DNM3: variants seen among roughly 807,000 people sequenced by gnomAD.
DNM3 encodes the protein dynamin-3.
A neutral mutation model predicts 101.6 loss-of-function variants in DNM3; 47 were observed. That is an observed-to-expected ratio of 0.46 (90% CI 0.37 to 0.59). The LOEUF is 0.59. Ranked by LOEUF, DNM3 falls within the 20% of genes least tolerant of loss-of-function variation. The probability of loss-of-function intolerance (pLI) is 0.00; values close to 1 mark genes in which losing one functional copy is unlikely to be tolerated. For synonymous variants in DNM3, 385 were observed against 387.9 expected, an observed-to-expected ratio of 0.99 and a Z score of 0.09; for missense variants, 849 against 1,085.7, an observed-to-expected ratio of 0.78 and a Z score of 3.06.
intron 2 of DNM3, among the ~76,000 whole-genome samples, chr1:171,983,991 A>G (rs934372208): frequency 2.0e-5 from 3 of 152,040 alleles, no homozygotes; most frequent in African/African-American, 4.8e-5. Flanking sequence ...TTCTATTTCA[A>G]ACTTTTTCTG....
At chr1:172,257,628 A>G (rs931131490) in intron 15 of DNM3, among the ~76,000 whole-genome samples, 8 of 152,066 alleles carry the variant, frequency 5.3e-5, no homozygotes, top group African/African-American at 1.9e-4. Context: ...GTGATATTCT[A>G]TTACACGCAT....
At chr1:172,175,418 A>G (rs1010182294) in intron 14 of DNM3, among the ~76,000 whole-genome samples, 2 of 151,782 alleles carry the variant, frequency 1.3e-5, no homozygotes, top group Non-Finnish European at 2.9e-5. Context: ...TTATCATTGA[A>G]TACTTACTAT....
At chr1:171,887,110 G>C (rs1481641127) in intron 1 of DNM3, among the ~76,000 whole-genome samples, 1 of 152,172 alleles carries the variant, frequency 6.6e-6, no homozygotes. Context: ...TGTGGACAAA[G>C]AGCTTCCTAT....
intron 1 of DNM3, among the ~76,000 whole-genome samples, chr1:171,852,556 T>G (rs1332646273): frequency 6.6e-6 from 1 of 152,242 alleles, no homozygotes; most frequent in Non-Finnish European, 1.5e-5. Flanking sequence ...ACAATTCTTA[T>G]GAGAGCCATT....
At chr1:172,072,911 T>C (rs1478939034) in intron 11 of DNM3, among the ~76,000 whole-genome samples, 1 of 151,996 alleles carries the variant, frequency 6.6e-6, no homozygotes, top group Non-Finnish European at 1.5e-5. Context: ...AAAAAAGAGT[T>C]AACTGTTCTT....
chr1:171,947,910 T>C (rs1414946943), intron 2 of DNM3, among the ~76,000 whole-genome samples: 3 of 152,210 alleles, frequency 2.0e-5, no homozygotes, highest in Non-Finnish European at 4.4e-5. Flanking sequence ...GAGATCAATC[T>C]CTACTAGTGG....
chr1:172,417,687 T>A (rs1018384287), downstream of DNM3, among the ~76,000 whole-genome samples: 2 of 152,232 alleles, frequency 1.3e-5, no homozygotes, highest in African/African-American at 4.8e-5. Context: ...ACTACTCACC[T>A]GGAGCAAATT....
intron 2 of DNM3, among the ~76,000 whole-genome samples, chr1:171,972,388 G>A (rs1278879445): frequency 1.3e-5 from 2 of 152,202 alleles, no homozygotes; most frequent in Admixed American, 1.3e-4. Flanking sequence ...AAAAGCTTTA[G>A]AGGAGAAACA....
At chr1:172,196,072 A>T (rs2059936812) in intron 14 of DNM3, among the ~76,000 whole-genome samples, 4 of 151,506 alleles carry the variant, frequency 2.6e-5, no homozygotes, top group African/African-American at 9.7e-5. Context: ...CTCCACCCTC[A>T]AGTAGACCCA....
chr1:172,330,024 C>A (rs1470173628), intron 17 of DNM3, among the ~76,000 whole-genome samples: 1 of 152,200 alleles, frequency 6.6e-6, no homozygotes, highest in Non-Finnish European at 1.5e-5. Context: ...TTGTGTACCA[C>A]ACATGTTGCC....
chr1:171,888,384 TA>T (rs2036968169), intron 1 of DNM3, among the ~76,000 whole-genome samples: 1 of 152,142 alleles, frequency 6.6e-6, no homozygotes, highest in South Asian at 2.1e-4. Context: ...TAGAAACATT[TA>T]AAAGAATTTT....
At chr1:172,162,500 T>A (rs1229376191) in intron 14 of DNM3, among the ~76,000 whole-genome samples, 6 of 151,852 alleles carry the variant, frequency 4.0e-5, no homozygotes, top group South Asian at 2.1e-4. Context: ...AGAAAAAAAA[T>A]AGAAAGAAAG....
At chr1:172,285,485 T>C (rs1279100617) in intron 15 of DNM3, among the ~76,000 whole-genome samples, 1 of 152,168 alleles carries the variant, frequency 6.6e-6, no homozygotes, top group Admixed American at 6.5e-5. Context: ...ACACAGCATC[T>C]TGGGCCCAAG....
chr1:172,317,157 GA>G (rs1269231448), intron 16 of DNM3, among the ~76,000 whole-genome samples: 1 of 151,300 alleles, frequency 6.6e-6, no homozygotes, highest in Non-Finnish European at 1.5e-5. Context: ...ATAACGAAAT[GA>G]AGGCAGAAAT....
At chr1:172,219,603 G>A (rs1262779427) in intron 14 of DNM3, among the ~76,000 whole-genome samples, 2 of 152,018 alleles carry the variant, frequency 1.3e-5, no homozygotes, top group Non-Finnish European at 1.5e-5. Context: ...AGGAAAGTCA[G>A]TCAAGGGAGC....
chr1:172,161,763 A>G (rs57543724), intron 14 of DNM3, among the ~76,000 whole-genome samples: 52,559 of 151,858 alleles, frequency 0.35, 11,838 homozygotes, highest in African/African-American at 0.64. Context: ...ATGTTCAGCC[A>G]CAGTTCATCT....
intron 13 of DNM3, among the ~76,000 whole-genome samples, chr1:172,098,306 A>G (rs2054391475): frequency 6.6e-6 from 1 of 152,176 alleles, no homozygotes; most frequent in Admixed American, 6.6e-5. Flanking sequence ...TTCCTTGCTG[A>G]GAAAAAGAAC....
chr1:172,157,959 A>G (rs2058402963), intron 14 of DNM3, among the ~76,000 whole-genome samples: 1 of 152,028 alleles, frequency 6.6e-6, no homozygotes, highest in African/African-American at 2.4e-5. Context: ...GCCATACAGT[A>G]TTCTAGGCAC....
chr1:171,888,268 A>G (rs2036955188), intron 1 of DNM3, among the ~76,000 whole-genome samples: 1 of 152,146 alleles, frequency 6.6e-6, no homozygotes, highest in Non-Finnish European at 1.5e-5. Flanking sequence ...TATACAGTTA[A>G]AGGATAGTGG....
Sources: gnomAD v4.1 joint callset for allele counts (sites outside exome capture counted in the v4.1 genomes callset) on GRCh38, gnomAD v4.1.1 for gene constraint, MANE v1.5 for transcripts, NCBI Gene and HGNC (gene_info 2026-07-23, HGNC 2026-07-21) for gene names.